The following MTMR7 variants were observed in gnomAD, a reference collection of about 807,000 sequenced individuals.
The protein encoded by MTMR7 is phosphatidylinositol-3-phosphate phosphatase MTMR7.
MTMR7 carries 76 observed loss-of-function variants against 81.2 expected under a neutral mutation model. The ratio of observed to expected loss-of-function variants is 0.94; its 90% CI spans 0.78 to 1.13. The LOEUF (loss-of-function observed/expected upper bound fraction) is 1.13, where lower values mean the gene tolerates loss of function less well. MTMR7 is among the 50% of genes most tolerant of loss of function. MTMR7 has a pLI of 0.00. For synonymous variants in MTMR7, 372 were observed against 289.8 expected (o/e 1.28, Z -2.88); for missense variants, 1,044 against 820.0 (o/e 1.27, Z -3.34).
At chr8:17,334,813 T>C (rs1016840258) in intron 6 of MTMR7, among the ~76,000 whole-genome samples, 1 of 152,176 alleles carries the variant, frequency 6.6e-6, no homozygotes, top group African/African-American at 2.4e-5. Flanking sequence ...AGTTGAAATC[T>C]AAGGAAACTC....
At chr8:17,398,521 A>G (rs1821325777) in intron 1 of MTMR7, among the ~76,000 whole-genome samples, 4 of 152,070 alleles carry the variant, frequency 2.6e-5, no homozygotes, top group African/African-American at 9.7e-5. Context: ...ACAAAACACA[A>G]AGGAGTAAAA....
At chr8:17,312,235 C>T (rs545348485) in intron 8 of MTMR7, among the ~76,000 whole-genome samples, 97 of 152,258 alleles carry the variant, frequency 6.4e-4, no homozygotes, top group African/African-American at 2.3e-3. Context: ...GAGATTTCAT[C>T]ATAGCATTTA....
intron 6 of MTMR7, among the ~76,000 whole-genome samples, chr8:17,340,158 G>A (rs1353692798): frequency 6.6e-6 from 1 of 152,208 alleles, no homozygotes; most frequent in East Asian, 1.9e-4. Context: ...TCACCATGTT[G>A]GTCAGGCTTG....
intron 5 of MTMR7, among the ~76,000 whole-genome samples, chr8:17,345,362 A>G (rs739337): frequency 0.11 from 16,728 of 152,216 alleles, 1,417 homozygotes; most frequent in East Asian, 0.32. Context: ...CAAGCTAATC[A>G]CATCCTCCTG....
In MTMR7 at chr8:17,402,667, G is replaced by A. The variant is rs533989329; in HGVS notation, c.24+10602C>T. Among the ~76,000 whole-genome samples the A allele has an allele frequency of 2.0e-5, 3 of 152,238 alleles. No individual in the cohort carries two copies. The South Asian group carries it at 6.2e-4, about 32-fold the overall frequency. On this transcript the variant is annotated intron_variant, in intron 1 of 13. Transcript: ENST00000180173. ...TTTCTTTATACATTCGTCTGTTGAT[G>A]GCCACTTAGTTTGCTTCCAAATCTC...
At chr8:17,399,885 A>C (rs917211338) in intron 1 of MTMR7, among the ~76,000 whole-genome samples, 4 of 149,548 alleles carry the variant, frequency 2.7e-5, no homozygotes, top group East Asian at 2.0e-4. Context: ...AAAAAAAAAA[A>C]CCAAAAAACT....
intron 4 of MTMR7, among the ~76,000 whole-genome samples, chr8:17,352,664 C>G (rs192350395): frequency 1.3e-5 from 2 of 152,218 alleles, no homozygotes; most frequent in East Asian, 1.9e-4. Flanking sequence ...GAAAAAGCAA[C>G]CTACAGAATG....
At chr8:17,389,457 A>C (rs1455268673) in intron 1 of MTMR7, among the ~76,000 whole-genome samples, 2 of 152,198 alleles carry the variant, frequency 1.3e-5, no homozygotes, top group Non-Finnish European at 2.9e-5. Flanking sequence ...GGCTTCCTGA[A>C]ACAACAATGA....
chr8:17,358,335 A>G (rs1819957827), intron 4 of MTMR7, among the ~76,000 whole-genome samples: 1 of 152,172 alleles, frequency 6.6e-6, no homozygotes, highest in South Asian at 2.1e-4. Context: ...TGAAACTGAC[A>G]AAAAGAATAC....
In MTMR7 at chr8:17,371,073, C is replaced by T. The variant is rs527918462; in HGVS notation, c.274G>A (p.Asp92Asn). 1.0e-4 allele frequency: 161 copies of T among 1,613,944 alleles called. No homozygotes were observed. Among genetic ancestry groups the T allele is most frequent in the Non-Finnish European group, 1.3e-4 (151 of 1,179,984 alleles). The change falls in exon 3 of 14, where the codon GAC (aspartate) becomes AAC (asparagine). Residue 92 changes from aspartate to asparagine, a missense_variant. Asp to Asn is a conservative substitution (Grantham distance 23, BLOSUM62 1). Transcript: ENST00000180173. The stretch of plus-strand genomic sequence containing the variant: ...AGGCGTATCAGGGAGATGTACACGT[C>T]GTGGCAATCTCTTTCCTGAGGTATG... ...LIIPQERDCHDVYISLIRLAR... is the reference protein window; with the variant it reads ...LIIPQERDCHNVYISLIRLAR...
rs1489304512 is a variant in MTMR7 at position 17,298,450 on chromosome 8, G to GCAA, written c.*1409_*1411dup. On this transcript the variant is annotated 3_prime_UTR_variant, in exon 14 of 14. Transcript: ENST00000180173. ...TTAAATGTTTTCATTTATATATATT[G>GCAA]CAACACTCCCTCCAAATCTTTCATA... 3.3e-5 allele frequency: 5 copies of GCAA among 151,042 alleles called. No homozygotes were observed. The highest frequency in any genetic ancestry group is 7.4e-5 in the Non-Finnish European group (5 of 67,666). 9.4% of individuals were successfully genotyped at this position (151,042 alleles called of 1,614,324 possible). A position where few individuals can be genotyped will look rare whatever the true frequency, so the allele number is the denominator to read the frequency against.
intron 5 of MTMR7, among the ~76,000 whole-genome samples, chr8:17,342,133 G>A (rs780952030): frequency 1.1e-4 from 17 of 152,102 alleles, no homozygotes; most frequent in Middle Eastern, 3.4e-3. Context: ...CCCAAGTCCC[G>A]TACCCTGCAA....
At chr8:17,397,088 G>C (rs2213902) in intron 1 of MTMR7, among the ~76,000 whole-genome samples, 10,400 of 152,040 alleles carry the variant, frequency 0.068, 380 homozygotes, top group Non-Finnish European at 0.076. Flanking sequence ...GTAGTACACA[G>C]TGGGCCTTGG....
intron 5 of MTMR7, among the ~76,000 whole-genome samples, chr8:17,342,071 G>T (rs1470567470): frequency 1.3e-5 from 2 of 152,080 alleles, no homozygotes; most frequent in East Asian, 3.9e-4. Context: ...GCTGACTCAA[G>T]TCTACTTAGA....
At chr8:17,307,870 C>T (rs1817560081) in intron 10 of MTMR7, among the ~76,000 whole-genome samples, 1 of 149,500 alleles carries the variant, frequency 6.7e-6, no homozygotes, top group African/African-American at 2.5e-5. Context: ...GGGAACATCA[C>T]ACACCGGGGA....
chr8:17,337,359 T>G (rs1469705348), intron 6 of MTMR7, among the ~76,000 whole-genome samples: 1 of 88,138 alleles, frequency 1.1e-5, no homozygotes, highest in Admixed American at 1.4e-4. Context: ...TAAAACTCCG[T>G]CCCAAAAAAA....
At chr8:17,365,853 T>C (rs748685274) in intron 3 of MTMR7, among the ~76,000 whole-genome samples, 9 of 152,248 alleles carry the variant, frequency 5.9e-5, no homozygotes, top group Non-Finnish European at 1.2e-4. Flanking sequence ...TCTAAAATAC[T>C]ACACGAAATT....
chr8:17,395,822 G>C (rs968387407), intron 1 of MTMR7, among the ~76,000 whole-genome samples: 4 of 152,108 alleles, frequency 2.6e-5, no homozygotes, highest in Non-Finnish European at 5.9e-5. Flanking sequence ...ATATTTGTTT[G>C]CTTTTTTAAA....
At chr8:17,304,562 C>G in intron 11 of MTMR7, 43 bp from the exon 12 acceptor site, 2 of 1,585,222 alleles carry the variant, frequency 1.3e-6, no homozygotes, top group Middle Eastern at 1.9e-4. Context: ...TATTTTGGTG[C>G]TTACACACAG....
Sources: allele counts gnomAD v4.1 joint callset (sites outside exome capture counted in the v4.1 genomes callset), GRCh38; gene constraint gnomAD v4.1.1; transcripts MANE v1.5; gene names NCBI Gene and HGNC (gene_info 2026-07-23, HGNC 2026-07-21).